ACOT11: variants seen among roughly 807,000 people sequenced by gnomAD.
The protein encoded by ACOT11 is acyl-CoA thioesterase 11, also known as acyl-coenzyme A thioesterase 11.
A neutral mutation model predicts 77.5 loss-of-function variants in ACOT11; 69 were observed. That is an observed-to-expected ratio of 0.89 (90% CI 0.73 to 1.09). The LOEUF is 1.09. ACOT11 is among the 50% of genes least tolerant of loss of function. The probability of loss-of-function intolerance (pLI) is 0.00; values close to 1 mark genes in which losing one functional copy is unlikely to be tolerated. For missense variants in ACOT11, 766 were observed against 813.7 expected, an observed-to-expected ratio of 0.94 and a Z score of 0.71; for synonymous variants, 279 against 313.0, an observed-to-expected ratio of 0.89 and a Z score of 1.15.
intron 2 of ACOT11, among the ~76,000 whole-genome samples, chr1:54,585,365 G>A (rs1311331018): frequency 1.3e-5 from 2 of 152,190 alleles, no homozygotes; most frequent in African/African-American, 2.4e-5. Context: ...CTGGGGGCAG[G>A]GAAGGGATGC....
intron 16 of ACOT11, among the ~76,000 whole-genome samples, chr1:54,632,579 G>A (rs868162742): frequency 5.3e-5 from 8 of 152,292 alleles, no homozygotes; most frequent in South Asian, 4.2e-4. Context: ...TGGTTGTGCC[G>A]TATGTGGGAA....
At chr1:54,614,590 T>TA (rs751321660), downstream of ACOT11, 5 of 1,121,134 alleles carry the variant, frequency 4.5e-6, no homozygotes, top group Non-Finnish European at 6.3e-6. Context: ...GGTGAGGCTA[T>TA]ATATAGTATG....
At position 54,603,912 on chromosome 1, in the gene ACOT11, C is replaced by T; in HGVS notation, c.1127C>T (p.Ser376Phe). 1.2e-6 allele frequency: 2 copies of T among 1,614,156 alleles called. No homozygotes were observed. The highest frequency in any genetic ancestry group is 1.7e-5 in the Admixed American group (1 of 60,024). ...TGTAAGCAGACAGAGGTGCCCCTCT[C>T]CGTCCCCTGGGACCCTAGCAACCAG... Reference protein sequence around the residue: ...VSCKQTEVPLSVPWDPSNQVY... With the variant: ...VSCKQTEVPLFVPWDPSNQVY... The change falls in exon 11 of 16, where the codon TCC becomes TTC. Residue 376 changes from serine to phenylalanine, a missense_variant. Transcript: ENST00000343744.
chr1:54,560,284 T>G lies in ACOT11; in HGVS notation c.33+11942T>G, dbSNP rs1036491082. Among the ~76,000 whole-genome samples the G allele has an allele frequency of 3.3e-5, 5 of 151,452 alleles. No homozygotes were observed. In the East Asian group the frequency reaches 9.8e-4, roughly 30 times the overall value. The stretch of plus-strand genomic sequence containing the variant: ...GTCAGGGTGGGCTCCCTGGAGGAGG[T>G]GATGGGTTAGGTTGGCCCTAAAAGC... On this transcript the variant is annotated intron_variant, in intron 1 of 15. Transcript: ENST00000343744.
At chr1:54,614,773 G>A (rs770058917), downstream of ACOT11, 12 of 1,613,996 alleles carry the variant, frequency 7.4e-6, no homozygotes, top group East Asian at 6.7e-5. Flanking sequence ...CATATGGGCC[G>A]CCGGACTTTG....
At chr1:54,549,404 G>T (rs1034607087) in intron 1 of ACOT11, among the ~76,000 whole-genome samples, 1 of 151,998 alleles carries the variant, frequency 6.6e-6, no homozygotes, top group African/African-American at 2.4e-5. Context: ...GCTGCTCTCC[G>T]CGGCTTCGGT....
intron 15 of ACOT11, among the ~76,000 whole-genome samples, chr1:54,617,520 C>T (rs1644185194): frequency 6.7e-6 from 1 of 150,256 alleles, no homozygotes. Flanking sequence ...GAAACCCAAA[C>T]TCTTTATCAT....
chr1:54,560,966 G>C (rs1024003536), intron 1 of ACOT11, among the ~76,000 whole-genome samples: 2 of 151,878 alleles, frequency 1.3e-5, no homozygotes. Flanking sequence ...TAGGCAATCT[G>C]CCCACCTCGG....
chr1:54,570,688 T>C (rs1032167117), intron 1 of ACOT11, among the ~76,000 whole-genome samples: 170 of 151,530 alleles, frequency 1.1e-3, no homozygotes, highest in Middle Eastern at 0.01. Flanking sequence ...GGCCTTTTTT[T>C]TTTTTTGAGA....
chr1:54,556,244 C>T (rs1557644806), intron 1 of ACOT11, among the ~76,000 whole-genome samples: 1 of 152,148 alleles, frequency 6.6e-6, no homozygotes, highest in Non-Finnish European at 1.5e-5. Flanking sequence ...GTCTATATGT[C>T]TGTCTGTTTT....
At chr1:54,610,565 C>A (rs7535372), downstream of ACOT11, 68,510 of 1,607,574 alleles carry the variant, frequency 0.043, 2,773 homozygotes, top group Admixed American at 0.16. Context: ...ACTGTGGGGC[C>A]CCAAATCGCC....
chr1:54,554,952 TTTTG>T (rs149828291), intron 1 of ACOT11, among the ~76,000 whole-genome samples: 14,628 of 151,982 alleles, frequency 0.096, 1,247 homozygotes, highest in African/African-American at 0.22. Flanking sequence ...TGTCTTCTGG[TTTTG>T]TTTGTTTGTT....
In ACOT11 at chr1:54,607,340, G is replaced by T; in HGVS notation, c.1502+75G>T. 6.3e-7 allele frequency: 1 copy of T among 1,589,952 alleles called. No individual in the cohort carries two copies. The highest frequency in any genetic ancestry group is 8.6e-7 in the Non-Finnish European group (1 of 1,163,222). ...AGGGTGGCCGCTTCTCCCTCCCAGG[G>T]AAGGGCATCAGCCTGGAGCCAGAGC... On this transcript the variant is annotated intron_variant, in intron 14 of 15. Transcript: ENST00000343744. This position sits in a 1 kb window ranked among gnomAD's most constrained non-coding sequence, Gnocchi z 4.5.
chr1:54,585,960 C>A, intron 3 of ACOT11, 56 bp downstream of exon 3: 1 of 1,566,266 alleles, frequency 6.4e-7, no homozygotes, highest in Non-Finnish European at 8.8e-7. Context: ...CAGCCTGGGG[C>A]CTGTCCTCCT....
chr1:54,619,990 A>G (rs768427852), intron 15 of ACOT11: 1 of 1,613,554 alleles, frequency 6.2e-7, no homozygotes, highest in Non-Finnish European at 8.5e-7. Context: ...TCAGGGCTGC[A>G]GGCCTCCAGC....
chr1:54,611,975 G>A (rs1230186043), downstream of ACOT11, among the ~76,000 whole-genome samples: 1 of 152,004 alleles, frequency 6.6e-6, no homozygotes, highest in Non-Finnish European at 1.5e-5. Flanking sequence ...AGCCTGTGCT[G>A]CCTCCTCACT....
intron 1 of ACOT11, among the ~76,000 whole-genome samples, chr1:54,564,856 C>T (rs1653681984): frequency 6.6e-6 from 1 of 152,064 alleles, no homozygotes; most frequent in Non-Finnish European, 1.5e-5. Flanking sequence ...TGCTTCGTGC[C>T]AGGTAGCTTA....
At chr1:54,549,385 C>T (rs1439348950) in intron 1 of ACOT11, among the ~76,000 whole-genome samples, 1 of 152,208 alleles carries the variant, frequency 6.6e-6, no homozygotes, top group African/African-American at 2.4e-5. Flanking sequence ...CCTGCTTCAG[C>T]CATAGTGAGC....
chr1:54,588,744 T>C (rs550365415), intron 3 of ACOT11, among the ~76,000 whole-genome samples: 21 of 152,108 alleles, frequency 1.4e-4, no homozygotes, highest in African/African-American at 4.6e-4. Context: ...GAGCAAGGAA[T>C]AGAGAGGGTT....
Sources: gnomAD v4.1 joint callset for allele counts (sites outside exome capture counted in the v4.1 genomes callset) on GRCh38, gnomAD v4.1.1 for gene constraint, Gnocchi (gnomAD v3.1) non-coding constraint, MANE v1.5 for transcripts, NCBI Gene and HGNC (gene_info 2026-07-23, HGNC 2026-07-21) for gene names.